Variants in HERC3 observed in about 807,000 individuals in gnomAD.
HERC3 encodes probable E3 ubiquitin-protein ligase HERC3.
In HERC3, 58 loss-of-function variants were observed where a neutral mutation model predicts 129.9. The observed-to-expected ratio is 0.45, with a 90% CI of 0.36 to 0.56. The LOEUF (loss-of-function observed/expected upper bound fraction) is 0.56, where lower values mean the gene tolerates loss of function less well. Among genes scored for constraint, HERC3 ranks in the 20% least tolerant of loss-of-function variants. HERC3 has a pLI of 0.00. For missense variants in HERC3, 835 were observed against 1,244.2 expected, an observed-to-expected ratio of 0.67 and a Z score of 4.95; for synonymous variants, 430 against 451.0, an observed-to-expected ratio of 0.95 and a Z score of 0.59.
Position 88,678,082 on chromosome 4 carries a change from C to A in HERC3, c.2144C>A (p.Ala715Asp), listed in dbSNP as rs1490677023. Residue 715 changes from alanine to aspartate, a missense_variant, in exon 19 of 26, where the codon GCC (alanine) becomes GAC (aspartate). Transcript: ENST00000402738. ...HVRRNNLVGD[A>D]LRELSIHSDI... is the part of the protein sequence containing the mutation. ...CGCAGGAACAACCTTGTTGGAGATG[C>A]CCTAAGAGAGCTGAGCATTCATTCT... The A allele has an allele frequency of 6.2e-7, 1 of 1,613,824 alleles. No homozygotes were observed. The highest frequency in any genetic ancestry group is 1.3e-5 in the African/African-American group (1 of 74,892).
rs569676739 is a variant in HERC3, at chr4:88,690,620, T to A, written c.2657+3321T>A. ...GTGGCTGGGGAAATGAATGACCTAG[T>A]GCAGGAATAGGCAATTGGCAATGTA... is the stretch of plus-strand genomic sequence containing the variant. On this transcript the variant is annotated intron_variant, in intron 23 of 25. Coordinates refer to ENST00000402738, the MANE Select transcript of HERC3 (RefSeq NM_014606.3). The A allele has an allele frequency of 3.6e-4, 357 of 985,338 alleles. No homozygotes were observed. In the Middle Eastern group the frequency reaches 3.7e-3, roughly 10 times the overall value. 61.0% of individuals were successfully genotyped at this position (985,338 alleles called of 1,614,324 possible).
intron 23 of HERC3, chr4:88,692,967 A>G (rs1328058182): frequency 1.0e-6 from 1 of 984,154 alleles, no homozygotes; most frequent in Non-Finnish European, 1.2e-6. Context: ...GTTTTCAAAA[A>G]GCAAAATTGT....
At chr4:88,692,985 A>G in intron 23 of HERC3, 1 of 980,136 alleles carries the variant, frequency 1.0e-6, no homozygotes. Flanking sequence ...TGTAATAGTT[A>G]AAAACATAAC....
the HERC3 span, among the ~76,000 whole-genome samples, chr4:88,557,606 T>C: frequency 6.6e-6 from 1 of 152,234 alleles, no homozygotes; most frequent in Non-Finnish European, 1.5e-5. Flanking sequence ...AAAATCATTC[T>C]GTGTAGTCTC....
chr4:88,592,022 G>A (rs1721741809), upstream of HERC3, among the ~76,000 whole-genome samples: 1 of 152,094 alleles, frequency 6.6e-6, no homozygotes, highest in Non-Finnish European at 1.5e-5. Flanking sequence ...CTACGAAGGG[G>A]AGTAAAGCAG....
chr4:88,688,800 T>C (rs1733751160), intron 23 of HERC3, among the ~76,000 whole-genome samples: 1 of 152,076 alleles, frequency 6.6e-6, no homozygotes, highest in African/African-American at 2.4e-5. Flanking sequence ...AAGAAAGAAG[T>C]GGTGAAATGA....
chr4:88,537,819 A>T, the HERC3 span, among the ~76,000 whole-genome samples: 2 of 152,228 alleles, frequency 1.3e-5, no homozygotes, highest in Admixed American at 6.5e-5. Flanking sequence ...TGAAATCCAT[A>T]GCACTGAATA....
chr4:88,699,017 C>G (rs1441573281), intron 23 of HERC3, among the ~76,000 whole-genome samples: 1 of 124,036 alleles, frequency 8.1e-6, no homozygotes, highest in East Asian at 2.6e-4. Context: ...CCTCTTCTTC[C>G]TCACCCTCTT....
At chr4:88,619,950 G>T (rs537357345) in intron 3 of HERC3, among the ~76,000 whole-genome samples, 1 of 152,208 alleles carries the variant, frequency 6.6e-6, no homozygotes, top group Admixed American at 6.5e-5. Flanking sequence ...AGGAAAATGG[G>T]TTGTGCTGAT....
At chr4:88,619,564 T>C (rs987036996) in intron 3 of HERC3, among the ~76,000 whole-genome samples, 2 of 152,084 alleles carry the variant, frequency 1.3e-5, no homozygotes, top group African/African-American at 2.4e-5. Flanking sequence ...TTTACAACCG[T>C]GAGGGTTTCA....
intron 2 of HERC3, among the ~76,000 whole-genome samples, chr4:88,599,504 C>T (rs548082779): frequency 6.6e-6 from 1 of 152,172 alleles, no homozygotes; most frequent in Non-Finnish European, 1.5e-5. Context: ...TTTTACTAGT[C>T]AGTCAGGGAT....
At chr4:88,666,016 G>GATGCTGCTAAAC (rs1271767599) in intron 12 of HERC3, among the ~76,000 whole-genome samples, 2 of 152,158 alleles carry the variant, frequency 1.3e-5, no homozygotes, top group Non-Finnish European at 2.9e-5. Flanking sequence ...AGAACCCAGC[G>GATGCTGCTAAAC]ATGCTGCTAA....
chr4:88,558,902 A>G, the HERC3 span, among the ~76,000 whole-genome samples: 74 of 150,148 alleles, frequency 4.9e-4, no homozygotes, highest in Admixed American at 2.9e-3. Flanking sequence ...CAGGAGGCGG[A>G]GCTTGCAGTG....
chr4:88,655,914 C>A lies in HERC3; in HGVS notation c.948C>A (p.Ile316=). 6.2e-7 allele frequency: 1 copy of A among 1,614,082 alleles called. No homozygotes were observed. Among genetic ancestry groups the A allele is most frequent in the Non-Finnish European group, 8.5e-7 (1 of 1,179,958 alleles). The change falls in exon 9 of 26, where the codon ATC becomes ATA. Residue 316 remains isoleucine, a synonymous_variant. Coordinates refer to ENST00000402738, the MANE Select transcript of HERC3 (RefSeq NM_014606.3). ...CCTTCGTGCCTTCTTCTGGACTCAT[C>A]TATGCATTTGGTTGTGGAGCAAGAG... ...TLAFVPSSGL[I]YAFGCGARGQ...
upstream of HERC3, among the ~76,000 whole-genome samples, chr4:88,589,340 G>A (rs3854125): frequency 0.032 from 4,919 of 152,232 alleles, 275 homozygotes; most frequent in East Asian, 0.27. Flanking sequence ...GCCTCAGCCT[G>A]TAACCCAAAG....
the HERC3 span, among the ~76,000 whole-genome samples, chr4:88,578,265 G>A: frequency 6.6e-6 from 1 of 152,172 alleles, no homozygotes; most frequent in Non-Finnish European, 1.5e-5. Context: ...AGCCTCCAAT[G>A]TATATGGCAT....
At chr4:88,544,981 C>T in the HERC3 span, among the ~76,000 whole-genome samples, 8 of 152,116 alleles carry the variant, frequency 5.3e-5, no homozygotes, top group Non-Finnish European at 8.8e-5. Flanking sequence ...AGCAAACCAA[C>T]ATGGCGCATG....
At chr4:88,689,040 G>T (rs1733778685) in intron 23 of HERC3, among the ~76,000 whole-genome samples, 1 of 152,188 alleles carries the variant, frequency 6.6e-6, no homozygotes, top group African/African-American at 2.4e-5. Flanking sequence ...AGATACAGAT[G>T]TGGAGAAACT....
At chr4:88,627,189 T>C (rs62308700) in intron 3 of HERC3, among the ~76,000 whole-genome samples, 14,073 of 152,216 alleles carry the variant, frequency 0.092, 864 homozygotes, top group Non-Finnish European at 0.13. Flanking sequence ...TATCTAAATA[T>C]GTGGCAATTT....
Sources: allele counts gnomAD v4.1 joint callset (sites outside exome capture counted in the v4.1 genomes callset), GRCh38; gene constraint gnomAD v4.1.1; transcripts MANE v1.5; gene names NCBI Gene and HGNC (gene_info 2026-07-23, HGNC 2026-07-21).